NRXN3: variants seen among roughly 807,000 people sequenced by gnomAD.
NRXN3 encodes the protein neurexin III.
In NRXN3, 32 loss-of-function variants were observed where a neutral mutation model predicts 137.6. The observed-to-expected ratio is 0.23, with a 90% CI of 0.18 to 0.31. The LOEUF (loss-of-function observed/expected upper bound fraction) is 0.31. Ranked by LOEUF, NRXN3 falls within the 10% of genes least tolerant of loss-of-function variation. NRXN3 has a pLI of 1.00. For synonymous variants in NRXN3, 798 were observed against 784.5 expected, an observed-to-expected ratio of 1.02 and a Z score of -0.29; for missense variants, 1,574 against 2,062.5, an observed-to-expected ratio of 0.76 and a Z score of 4.59.
intron 4 of NRXN3, among the ~76,000 whole-genome samples, chr14:78,418,020 G>A (rs1190451053): frequency 6.6e-6 from 1 of 152,184 alleles, no homozygotes; most frequent in Non-Finnish European, 1.5e-5. Flanking sequence ...GCCTCCCAAA[G>A]TGCTGGGATT....
chr14:78,427,736 A>T (rs957403576), intron 4 of NRXN3, among the ~76,000 whole-genome samples: 5 of 152,218 alleles, frequency 3.3e-5, no homozygotes, highest in African/African-American at 1.2e-4. Context: ...AAATGCCTCT[A>T]GTCTCACTCA....
chr14:78,897,709 AG>A (rs959895314), intron 10 of NRXN3, among the ~76,000 whole-genome samples: 4 of 151,942 alleles, frequency 2.6e-5, no homozygotes, highest in African/African-American at 9.7e-5. Flanking sequence ...ATTTATCCCA[AG>A]TAATGCGTAG....
At chr14:79,036,398 A>G (rs2099616040) in intron 15 of NRXN3, among the ~76,000 whole-genome samples, 1 of 152,006 alleles carries the variant, frequency 6.6e-6, no homozygotes, top group Non-Finnish European at 1.5e-5. Context: ...GTGCTGGTGT[A>G]TGTAGACTTG....
At chr14:79,733,435 CT>C (rs979904700) in intron 19 of NRXN3, among the ~76,000 whole-genome samples, 1 of 152,074 alleles carries the variant, frequency 6.6e-6, no homozygotes, top group Non-Finnish European at 1.5e-5. Flanking sequence ...CAGGGGTATC[CT>C]TTTTTTCCTT....
chr14:78,487,984 A>G (rs1316320195), intron 4 of NRXN3, among the ~76,000 whole-genome samples: 1 of 152,124 alleles, frequency 6.6e-6, no homozygotes. Context: ...GGACTTGAAC[A>G]ACAGAAATTC....
intron 4 of NRXN3, among the ~76,000 whole-genome samples, chr14:78,535,513 A>G (rs1343233591): frequency 6.6e-6 from 1 of 152,156 alleles, no homozygotes; most frequent in South Asian, 2.1e-4. Context: ...GTATTCCAAG[A>G]TGTAGTTATA....
Position 78,255,580 on chromosome 14 carries a change from C to T in NRXN3, c.709+11778C>T, listed in dbSNP as rs147978507. 4.3e-3 allele frequency among the ~76,000 whole-genome samples: 659 copies of T among 152,254 alleles called. 2 individuals are homozygous for T. Among genetic ancestry groups the T allele is most frequent in the African/African-American group, 0.015 (631 of 41,540 alleles). The stretch of plus-strand genomic sequence containing the variant: ...GCTTTTCTATCCTTAATGCAAGTTG[C>T]GATTGCTCAACTGGGTTTCCTGATT... On this transcript the variant is annotated intron_variant, in intron 2 of 20. Transcript: ENST00000335750.
intron 15 of NRXN3, among the ~76,000 whole-genome samples, chr14:79,360,213 T>A (rs1200139567): frequency 6.6e-6 from 1 of 152,244 alleles, no homozygotes; most frequent in Non-Finnish European, 1.5e-5. Flanking sequence ...AATGAACATT[T>A]TTCCCCTTTG....
At chr14:78,766,472 CCA>C (rs1435273679) in intron 8 of NRXN3, among the ~76,000 whole-genome samples, 1 of 152,200 alleles carries the variant, frequency 6.6e-6, no homozygotes, top group Admixed American at 6.5e-5. Context: ...ACTGCCACCC[CCA>C]CATCAATAAT....
chr14:79,666,721 T>A (rs965020020), intron 17 of NRXN3, among the ~76,000 whole-genome samples: 2 of 152,058 alleles, frequency 1.3e-5, no homozygotes, highest in African/African-American at 4.8e-5. Context: ...TTTAAAGAAG[T>A]GTCATATCTC....
intron 4 of NRXN3, among the ~76,000 whole-genome samples, chr14:78,596,064 C>T (rs562731625): frequency 6.6e-6 from 1 of 152,236 alleles, no homozygotes; most frequent in Non-Finnish European, 1.5e-5. Flanking sequence ...AGTGCCACAG[C>T]AAAGAATTAT....
chr14:78,516,720 T>C (rs1234221021), intron 4 of NRXN3, among the ~76,000 whole-genome samples: 1 of 152,106 alleles, frequency 6.6e-6, no homozygotes, highest in Non-Finnish European at 1.5e-5. Context: ...AAATGCCTAG[T>C]TGAGTTCTCT....
chr14:78,575,328 T>G (rs1490166992), intron 4 of NRXN3, among the ~76,000 whole-genome samples: 1 of 151,874 alleles, frequency 6.6e-6, no homozygotes, highest in Non-Finnish European at 1.5e-5. Flanking sequence ...GGAAAGTGAG[T>G]GTAGTTGCAG....
chr14:78,341,443 G>A (rs1179547464), intron 4 of NRXN3, among the ~76,000 whole-genome samples: 1 of 152,186 alleles, frequency 6.6e-6, no homozygotes, highest in Admixed American at 6.5e-5. Flanking sequence ...GGCTTTGTGG[G>A]CTGTAGAGCC....
At chr14:79,106,579 T>C (rs2052482531) in intron 15 of NRXN3, among the ~76,000 whole-genome samples, 1 of 152,088 alleles carries the variant, frequency 6.6e-6, no homozygotes, top group Admixed American at 6.6e-5. Flanking sequence ...AAAGGGAATT[T>C]TCATTTGATT....
intron 15 of NRXN3, among the ~76,000 whole-genome samples, chr14:79,378,809 C>T (rs188434298): frequency 6.6e-6 from 1 of 151,306 alleles, no homozygotes; most frequent in Admixed American, 6.6e-5. Flanking sequence ...GATTATGGAG[C>T]TTAACTCATT....
At chr14:78,877,830 G>A (rs773660253) in intron 10 of NRXN3, among the ~76,000 whole-genome samples, 14 of 151,908 alleles carry the variant, frequency 9.2e-5, no homozygotes, top group Non-Finnish European at 1.6e-4. Flanking sequence ...AACATAAATC[G>A]AGCACCTTCC....
chr14:78,987,448 T>G (rs2099509213), intron 14 of NRXN3, among the ~76,000 whole-genome samples: 1 of 152,152 alleles, frequency 6.6e-6, no homozygotes, highest in African/African-American at 2.4e-5. Flanking sequence ...AGCAAGATAA[T>G]GTAAATACAT....
At chr14:78,173,708 G>C (rs1411235085) in intron 1 of NRXN3, among the ~76,000 whole-genome samples, 3 of 8,988 alleles carry the variant, frequency 3.3e-4, no homozygotes, top group African/African-American at 1.1e-3. Context: ...CTTTTTCCTT[G>C]CTTTTTTTTT....
Sources: gnomAD v4.1 joint callset for allele counts (sites outside exome capture counted in the v4.1 genomes callset) on GRCh38, gnomAD v4.1.1 for gene constraint, MANE v1.5 for transcripts, NCBI Gene and HGNC (gene_info 2026-07-23, HGNC 2026-07-21) for gene names.